Variants in RHOU observed in about 807,000 individuals in gnomAD.
RHOU encodes ras homolog family member U.
In RHOU, 8 loss-of-function variants were observed where a neutral mutation model predicts 12.6. The observed-to-expected ratio is 0.64, with a 90% confidence interval of 0.37 to 1.15. The LOEUF (loss-of-function observed/expected upper bound fraction) is 1.15, where lower values mean the gene tolerates loss of function less well. Ranked by LOEUF, RHOU falls within the 50% of genes most tolerant of loss-of-function variation. RHOU has a pLI of 0.01. For missense variants in RHOU, 258 were observed against 347.0 expected, an observed-to-expected ratio of 0.74 and a Z score of 2.04; for synonymous variants, 161 against 147.4, an observed-to-expected ratio of 1.09 and a Z score of -0.67.
the RHOU span, among the ~76,000 whole-genome samples, chr1:228,672,444 C>G: frequency 3.9e-3 from 599 of 152,042 alleles, 10 homozygotes; most frequent in South Asian, 5.8e-3. Flanking sequence ...ATTACAGGCA[C>G]GAGCCACTGT....
chr1:228,711,722 G>A, the RHOU span, among the ~76,000 whole-genome samples: 2 of 150,958 alleles, frequency 1.3e-5, no homozygotes, highest in East Asian at 3.9e-4. Flanking sequence ...GAAAACCTAG[G>A]CATTACCATT....
chr1:228,663,879 C>T, the RHOU span, among the ~76,000 whole-genome samples: 9 of 151,470 alleles, frequency 5.9e-5, no homozygotes, highest in South Asian at 1.7e-3. Flanking sequence ...GTGATCCACC[C>T]GCCTTGGCCT....
the RHOU span, chr1:228,651,117 G>T: frequency 4.5e-6 from 1 of 221,286 alleles, no homozygotes. Context: ...TGGAAGAGGA[G>T]CATGATCTCA....
intron 1 of RHOU, among the ~76,000 whole-genome samples, chr1:228,736,981 A>G (rs115729640): frequency 0.013 from 1,717 of 134,282 alleles, 31 homozygotes; most frequent in African/African-American, 0.045. Context: ...ATATTTAGAA[A>G]CAATTAGAAA....
chr1:228,730,400 TGGG>T, the RHOU span, among the ~76,000 whole-genome samples: 2 of 152,108 alleles, frequency 1.3e-5, no homozygotes, highest in Non-Finnish European at 2.9e-5. Context: ...AAGGCTGCTC[TGGG>T]TCAGCAGAGC....
the RHOU span, among the ~76,000 whole-genome samples, chr1:228,722,985 C>T: frequency 6.6e-6 from 1 of 152,198 alleles, no homozygotes; most frequent in Non-Finnish European, 1.5e-5. Context: ...CTGCGTCTAC[C>T]TTAAAGGCAT....
the RHOU span, among the ~76,000 whole-genome samples, chr1:228,719,445 T>C: frequency 1.3e-5 from 2 of 152,188 alleles, no homozygotes; most frequent in African/African-American, 4.8e-5. Flanking sequence ...CAATTAATAA[T>C]TGGGCTGGGT....
Position 228,743,893 on chromosome 1 carries a change from G to T in RHOU, c.*153G>T. ...GCTCTCAATTTTATGTATTCTTTCT[G>T]CCTTTAATTTTCTTGTTTGTTTGAG... On this transcript the variant is annotated 3_prime_UTR_variant, in exon 3 of 3. Transcript: ENST00000366691. This position sits in a 1 kb window ranked among gnomAD's most constrained non-coding sequence, Gnocchi z 5.1. The T allele has an allele frequency of 1.6e-6, 1 of 642,160 alleles. No homozygotes were observed. Among genetic ancestry groups the T allele is most frequent in the Non-Finnish European group, 2.6e-6 (1 of 388,270 alleles). 39.8% of individuals were successfully genotyped at this position (642,160 alleles called of 1,614,324 possible). A position where few individuals can be genotyped will look rare whatever the true frequency, so the allele number is the denominator to read the frequency against.
the RHOU span, among the ~76,000 whole-genome samples, chr1:228,684,226 A>G: frequency 2.3e-4 from 35 of 152,072 alleles, no homozygotes; most frequent in East Asian, 5.1e-3. Context: ...TAGTAGCGAT[A>G]GGGTTTCACC....
chr1:228,677,932 A>C, the RHOU span, among the ~76,000 whole-genome samples: 4 of 152,188 alleles, frequency 2.6e-5, no homozygotes, highest in African/African-American at 9.7e-5. Flanking sequence ...AAAGGGAAGA[A>C]ATGACTGTGG....
At chr1:228,692,418 C>T in the RHOU span, among the ~76,000 whole-genome samples, 1 of 151,996 alleles carries the variant, frequency 6.6e-6, no homozygotes, top group East Asian at 1.9e-4. Flanking sequence ...AACTGTATTG[C>T]CATTAAAAGA....
At chr1:228,659,117 G>T in the RHOU span, among the ~76,000 whole-genome samples, 7 of 152,114 alleles carry the variant, frequency 4.6e-5, no homozygotes, top group African/African-American at 1.7e-4. Context: ...CATGGCTCAC[G>T]CCTGTAATCC....
At chr1:228,716,290 A>C in the RHOU span, among the ~76,000 whole-genome samples, 1 of 152,134 alleles carries the variant, frequency 6.6e-6, no homozygotes, top group Non-Finnish European at 1.5e-5. Flanking sequence ...CTTCCTGTGG[A>C]TAATTCCTGC....
chr1:228,727,903 CTG>C, the RHOU span, among the ~76,000 whole-genome samples: 1 of 152,120 alleles, frequency 6.6e-6, no homozygotes, highest in Non-Finnish European at 1.5e-5. Flanking sequence ...CTTATCATCT[CTG>C]AGAATTTGGG....
the RHOU span, among the ~76,000 whole-genome samples, chr1:228,713,890 C>T: frequency 1.0e-3 from 152 of 152,250 alleles, 3 homozygotes; most frequent in South Asian, 0.031. Flanking sequence ...CAGCTTGTGT[C>T]TGCTGTAGAT....
the RHOU span, among the ~76,000 whole-genome samples, chr1:228,671,152 G>A: frequency 2.6e-5 from 4 of 151,992 alleles, no homozygotes; most frequent in African/African-American, 9.7e-5. Context: ...TTACAGGCAT[G>A]CATCATCATG....
At chr1:228,665,522 A>G in the RHOU span, among the ~76,000 whole-genome samples, 1 of 152,306 alleles carries the variant, frequency 6.6e-6, no homozygotes, top group Non-Finnish European at 1.5e-5. Context: ...GACTCAAATC[A>G]GGTATCTTTG....
the RHOU span, among the ~76,000 whole-genome samples, chr1:228,712,928 G>A: frequency 6.6e-6 from 1 of 151,660 alleles, no homozygotes; most frequent in Admixed American, 6.6e-5. Flanking sequence ...TACTGCCAGG[G>A]TCTGCCTGAC....
At chr1:228,715,915 CTTTT>C in the RHOU span, among the ~76,000 whole-genome samples, 3 of 133,896 alleles carry the variant, frequency 2.2e-5, no homozygotes, top group East Asian at 2.1e-4. Flanking sequence ...AAAGTATGAA[CTTTT>C]TTTTTTTTTT....
Sources: allele counts gnomAD v4.1 joint callset (sites outside exome capture counted in the v4.1 genomes callset), GRCh38; gene constraint gnomAD v4.1.1; non-coding constraint Gnocchi (gnomAD v3.1); transcripts MANE v1.5; gene names NCBI Gene and HGNC (gene_info 2026-07-23, HGNC 2026-07-21).